ZDHHC15: variants seen among roughly 807,000 people sequenced by gnomAD.
ZDHHC15 encodes palmitoyltransferase ZDHHC15.
In ZDHHC15, 19 loss-of-function variants were observed where a neutral mutation model predicts 31.7. That is an observed-to-expected ratio of 0.60 (90% confidence interval 0.42 to 0.88). The LOEUF (loss-of-function observed/expected upper bound fraction) is 0.88, where lower values mean the gene tolerates loss of function less well. Ranked by LOEUF, ZDHHC15 falls within the 40% of genes least tolerant of loss-of-function variation. ZDHHC15 has a pLI of 0.00. For missense variants in ZDHHC15, 209 were observed against 251.2 expected (o/e 0.83, Z 1.14); for synonymous variants, 103 against 90.0 (o/e 1.14, Z -0.82).
chrX:75,458,515 A>C (rs1326465994), intron 3 of ZDHHC15, among the ~76,000 whole-genome samples: 1 of 112,086 alleles, frequency 8.9e-6, no homozygotes, highest in East Asian at 2.8e-4. Flanking sequence ...GAGATAATTT[A>C]AATATATCTA....
At chrX:75,374,387 A>T (rs888443423) in intron 11 of ZDHHC15, among the ~76,000 whole-genome samples, 19 of 108,768 alleles carry the variant, frequency 1.7e-4, no homozygotes, top group South Asian at 7.8e-4. Context: ...AGTATAATTT[A>T]AAAAAAAGGG....
chrX:75,424,765 C>T lies in ZDHHC15; in HGVS notation c.623G>A (p.Arg208His), dbSNP rs377715509. Residue 208 changes from arginine to histidine, a missense_variant, in exon 8 of 12, where the codon CGC (arginine) becomes CAC (histidine). Coordinates refer to ENST00000373367, the MANE Select transcript of ZDHHC15 (RefSeq NM_144969.3). ...AAGAAAAAGGACATGGAACTTAGAG[C>T]GAACACTGGGTAATTCCCCCTAGAA... is the stretch of plus-strand genomic sequence containing the variant. ...KYWRGELPSVRSKFHVLFLLF... is the reference protein window; with the variant it reads ...KYWRGELPSVHSKFHVLFLLF... 3.6e-5 allele frequency: 43 copies of T among 1,196,005 alleles called. No homozygotes were observed. Among genetic ancestry groups the T allele is most frequent in the East Asian group, 2.1e-4 (7 of 33,096 alleles).
At chrX:75,458,645 T>C (rs1363110351) in intron 3 of ZDHHC15, among the ~76,000 whole-genome samples, 1 of 110,581 alleles carries the variant, frequency 9.0e-6, no homozygotes, top group Non-Finnish European at 1.9e-5. Flanking sequence ...CTGCTTGGGG[T>C]ATGTGGAACT....
In ZDHHC15 at chrX:75,504,440, T is replaced by C. The variant is rs1479332369; in HGVS notation, c.163+1381A>G. On this transcript the variant is annotated intron_variant, in intron 2 of 11. Transcript: ENST00000373367. Reference sequence around the variant, plus strand: ...TTTGAAGATGAGCAACTGTGGACAATGCATTATTCTTGATTATATGTGAAT... The same window carrying C: ...TTTGAAGATGAGCAACTGTGGACAACGCATTATTCTTGATTATATGTGAAT... Among the ~76,000 whole-genome samples the C allele has an allele frequency of 1.5e-4, 17 of 111,590 alleles. No homozygotes were observed. In the Admixed American group the frequency reaches 1.6e-3, roughly 11 times the overall value.
intron 10 of ZDHHC15, among the ~76,000 whole-genome samples, chrX:75,407,046 C>A (rs939535690): frequency 8.9e-6 from 1 of 112,704 alleles, no homozygotes; most frequent in Non-Finnish European, 1.9e-5. Context: ...CCTCCACCTC[C>A]CAGCTGCCTG....
Position 75,409,347 on chromosome X carries a change from C to T in ZDHHC15, c.967+7740G>A, listed in dbSNP as rs148616976. ...TCTCTACTAAAAAACAAAAATTAGA[C>T]AGGCATTGTGTACGCCTGTAATCCT... On this transcript the variant is annotated intron_variant, in intron 10 of 11. Transcript: ENST00000373367. Among the ~76,000 whole-genome samples, 877 of 109,591 alleles carry T rather than the reference C, an allele frequency of 8.0e-3. 11 individuals are homozygous for T. The highest frequency in any genetic ancestry group is 0.027 in the African/African-American group (805 of 29,985).
chrX:75,515,927 G>A (rs373730086), intron 1 of ZDHHC15, among the ~76,000 whole-genome samples: 1 of 109,964 alleles, frequency 9.1e-6, no homozygotes, highest in African/African-American at 3.3e-5. Context: ...ACAAGCATTC[G>A]TATACACCAA....
chrX:75,491,003 T>C (rs1189237696), intron 2 of ZDHHC15, among the ~76,000 whole-genome samples: 2 of 111,398 alleles, frequency 1.8e-5, no homozygotes, highest in Admixed American at 9.5e-5. Flanking sequence ...TGTGGAGAAA[T>C]AGGAACACTT....
intron 3 of ZDHHC15, among the ~76,000 whole-genome samples, chrX:75,470,783 C>A (rs1194419581): frequency 4.5e-5 from 5 of 111,869 alleles, no homozygotes; most frequent in Admixed American, 9.5e-5. Context: ...TACTTAGCAG[C>A]TGGCAGAATC....
chrX:75,402,882 G>A (rs1207706719), intron 10 of ZDHHC15, among the ~76,000 whole-genome samples: 1 of 110,016 alleles, frequency 9.1e-6, no homozygotes, highest in African/African-American at 3.3e-5. Context: ...TCATTCTGAG[G>A]CCAGCATTAT....
chrX:75,454,536 T>G (rs1041115254), intron 3 of ZDHHC15, among the ~76,000 whole-genome samples: 42 of 111,747 alleles, frequency 3.8e-4, no homozygotes, highest in African/African-American at 1.1e-3. Flanking sequence ...TTGAACTAGT[T>G]TACAGTCCCA....
Position 75,369,670 on chromosome X carries a change from G to C in ZDHHC15, c.*3308C>G, listed in dbSNP as rs2082988748. ...ATGCCACATAGTGTGAAAAATATGTGTCACATGGGGCTAGTAGGGGAAAGA... is the reference window on the plus strand; with the variant it reads ...ATGCCACATAGTGTGAAAAATATGTCTCACATGGGGCTAGTAGGGGAAAGA... On this transcript the variant is annotated 3_prime_UTR_variant, in exon 12 of 12. Transcript: ENST00000373367. The C allele has an allele frequency of 2.7e-5, 3 of 111,641 alleles. No individual in the cohort carries two copies. In the South Asian group the frequency reaches 1.1e-3, roughly 42 times the overall value. The allele number at this position is 111,641 out of a possible 1,213,427, so 9.2% of individuals were successfully genotyped here.
intron 3 of ZDHHC15, among the ~76,000 whole-genome samples, chrX:75,455,803 C>T (rs181410025): frequency 8.9e-6 from 1 of 112,207 alleles, no homozygotes; most frequent in Admixed American, 9.5e-5. Flanking sequence ...GAAATCAAAA[C>T]CACAATGAGA....
chrX:75,470,189 A>T (rs975890362), intron 3 of ZDHHC15, among the ~76,000 whole-genome samples: 1 of 111,354 alleles, frequency 9.0e-6, no homozygotes, highest in Non-Finnish European at 1.9e-5. Context: ...CAGCGAATAT[A>T]AAGCAGGCAG....
At position 75,415,522 on chromosome X, in the gene ZDHHC15, T is replaced by C. The variant is rs750248054; in HGVS notation, c.967+1565A>G. On this transcript the variant is annotated intron_variant, in intron 10 of 11. Coordinates refer to ENST00000373367, the MANE Select transcript of ZDHHC15 (RefSeq NM_144969.3). ...CAATCACAGCACTGTGTCTCATATGTACTTGTCCAAAGGAGAGACCTAGCA... is the reference window on the plus strand; with the variant it reads ...CAATCACAGCACTGTGTCTCATATGCACTTGTCCAAAGGAGAGACCTAGCA... 1.1e-4 allele frequency among the ~76,000 whole-genome samples: 12 copies of C among 112,307 alleles called. No homozygotes were observed. In the South Asian group the frequency reaches 4.5e-3, roughly 42 times the overall value.
At chrX:75,384,201 C>A in intron 10 of ZDHHC15, 1 of 429,425 alleles carries the variant, frequency 2.3e-6, no homozygotes. Context: ...TCTAATCATC[C>A]CAAATATGTA....
At chrX:75,490,621 G>A (rs2084868147) in intron 2 of ZDHHC15, among the ~76,000 whole-genome samples, 1 of 111,653 alleles carries the variant, frequency 9.0e-6, no homozygotes, top group Non-Finnish European at 1.9e-5. Flanking sequence ...TCCTCCCCAT[G>A]TGCATGGAAT....
intron 10 of ZDHHC15, 106 bp from the exon 11 acceptor site, chrX:75,379,304 A>T: frequency 1.3e-6 from 1 of 798,950 alleles, no homozygotes; most frequent in Non-Finnish European, 1.9e-6. Flanking sequence ...CAGGCAACAG[A>T]TACCTGCAAA....
intron 3 of ZDHHC15, among the ~76,000 whole-genome samples, chrX:75,458,980 T>TGGC (rs2084268263): frequency 4.0e-5 from 2 of 49,583 alleles, no homozygotes; most frequent in African/African-American, 1.6e-4. Flanking sequence ...CTCCCAGGAG[T>TGGC]GGCACAGAGA....
Sources: allele counts gnomAD v4.1 joint callset (sites outside exome capture counted in the v4.1 genomes callset), GRCh38; gene constraint gnomAD v4.1.1; transcripts MANE v1.5; gene names NCBI Gene and HGNC (gene_info 2026-07-23, HGNC 2026-07-21).